Variants in C10orf90 observed in about 807,000 individuals in gnomAD.
The protein encoded by C10orf90 is (E2-independent) E3 ubiquitin-conjugating enzyme FATS.
In C10orf90, 56 loss-of-function variants were observed where a neutral mutation model predicts 62.5. The ratio of observed to expected loss-of-function variants is 0.90; its 90% CI spans 0.72 to 1.12. The LOEUF (loss-of-function observed/expected upper bound fraction) is 1.12. Among genes scored for constraint, C10orf90 ranks in the 50% most tolerant of loss-of-function variants. The pLI is 0.00. For missense variants in C10orf90, 970 were observed against 880.4 expected, an observed-to-expected ratio of 1.10 and a Z score of -1.29; for synonymous variants, 386 against 340.4, an observed-to-expected ratio of 1.13 and a Z score of -1.47.
chr10:126,589,831 A>G (rs367836076), intron 2 of C10orf90, among the ~76,000 whole-genome samples: 11 of 152,232 alleles, frequency 7.2e-5, no homozygotes, highest in South Asian at 4.1e-4. Context: ...TCATGCTGAC[A>G]GTATCAAATT....
At chr10:126,435,323 T>C (rs1333070383) in intron 7 of C10orf90, among the ~76,000 whole-genome samples, 2 of 152,228 alleles carry the variant, frequency 1.3e-5, no homozygotes, top group Non-Finnish European at 2.9e-5. Flanking sequence ...TCCTTTTGCA[T>C]ACTCAGTTTG....
At chr10:126,479,042 T>C (rs1229762870) in intron 4 of C10orf90, among the ~76,000 whole-genome samples, 1 of 152,020 alleles carries the variant, frequency 6.6e-6, no homozygotes, top group Non-Finnish European at 1.5e-5. Context: ...AAATTTGCAC[T>C]AGGGTGGGGA....
At chr10:126,596,116 T>C (rs567655869) in intron 2 of C10orf90, among the ~76,000 whole-genome samples, 46 of 143,958 alleles carry the variant, frequency 3.2e-4, no homozygotes, top group Admixed American at 2.8e-3. Context: ...CTGGGCTACA[T>C]AGTGAGACCC....
chr10:126,652,050 C>T (rs1399096831), intron 1 of C10orf90, among the ~76,000 whole-genome samples: 1 of 152,170 alleles, frequency 6.6e-6, no homozygotes, highest in African/African-American at 2.4e-5. Flanking sequence ...CAAGATTGAT[C>T]TTTGCCGGCA....
intron 2 of C10orf90, among the ~76,000 whole-genome samples, chr10:126,546,597 T>C (rs966771617): frequency 5.3e-5 from 8 of 152,132 alleles, no homozygotes; most frequent in Non-Finnish European, 1.0e-4. Flanking sequence ...CCCAGGGAGA[T>C]GTCAGTGGAG....
chr10:126,541,874 A>C (rs1864384010), intron 2 of C10orf90, among the ~76,000 whole-genome samples: 1 of 152,248 alleles, frequency 6.6e-6, no homozygotes, highest in African/African-American at 2.4e-5. Flanking sequence ...ACTTTCACAA[A>C]GTGTTCACAT....
intron 2 of C10orf90, among the ~76,000 whole-genome samples, chr10:126,625,660 G>C (rs1845728071): frequency 6.6e-6 from 1 of 152,180 alleles, no homozygotes; most frequent in Non-Finnish European, 1.5e-5. Context: ...TTTTTCTAAA[G>C]GTATCAAGGC....
chr10:126,578,785 C>G (rs545214843), intron 2 of C10orf90, among the ~76,000 whole-genome samples: 1 of 152,234 alleles, frequency 6.6e-6, no homozygotes, highest in African/African-American at 2.4e-5. Flanking sequence ...GAACACAATA[C>G]AACAATTACA....
At chr10:126,452,506 A>C (rs1590927867) in intron 7 of C10orf90, among the ~76,000 whole-genome samples, 1 of 152,236 alleles carries the variant, frequency 6.6e-6, no homozygotes, top group Non-Finnish European at 1.5e-5. Context: ...TGCTTTGTGC[A>C]GTATAAAGGG....
intron 2 of C10orf90, among the ~76,000 whole-genome samples, chr10:126,600,432 G>T (rs1422459401): frequency 1.3e-5 from 2 of 152,202 alleles, no homozygotes; most frequent in Non-Finnish European, 2.9e-5. Context: ...GCAGGGAGGA[G>T]ATATGAGAAA....
intron 2 of C10orf90, among the ~76,000 whole-genome samples, chr10:126,542,892 C>A (rs1199406800): frequency 6.6e-6 from 1 of 152,180 alleles, no homozygotes; most frequent in Non-Finnish European, 1.5e-5. Context: ...TTCAATGCCA[C>A]ATGTGCCTCA....
chr10:126,570,506 T>A (rs1844484904), intron 2 of C10orf90, among the ~76,000 whole-genome samples: 1 of 152,216 alleles, frequency 6.6e-6, no homozygotes, highest in Admixed American at 6.5e-5. Flanking sequence ...CTTTAAAACT[T>A]AATTAGGAAA....
intron 2 of C10orf90, among the ~76,000 whole-genome samples, chr10:126,609,617 G>A (rs907721205): frequency 6.6e-6 from 1 of 152,228 alleles, no homozygotes; most frequent in Non-Finnish European, 1.5e-5. Flanking sequence ...ACCACATGAA[G>A]AAGTAAGTTG....
In C10orf90 at chr10:126,489,816, A is replaced by AGGT. The variant is rs1861621284; in HGVS notation, c.1534+14138_1534+14140dup. On this transcript the variant is annotated intron_variant, in intron 4 of 9. Coordinates refer to ENST00000488181, the MANE Select transcript of C10orf90 (RefSeq NM_001350921.2). ...AATAACATTATTCATACTAGTCAAA[A>AGGT]GGTGGTAGCAACCCAAGTGTCCATC... Among the ~76,000 whole-genome samples, 5 of 150,826 alleles carry AGGT rather than the reference A, an allele frequency of 3.3e-5. No homozygotes were observed. In the South Asian group the frequency reaches 1.0e-3, roughly 32 times the overall value.
At chr10:126,617,704 T>C (rs1021470225) in intron 2 of C10orf90, among the ~76,000 whole-genome samples, 1 of 152,244 alleles carries the variant, frequency 6.6e-6, no homozygotes, top group Non-Finnish European at 1.5e-5. Context: ...CGAAAGCCCA[T>C]GTCCTTGTCT....
rs758118945 is a variant in C10orf90, at chr10:126,464,738, G to T, written c.1783C>A (p.Gln595Lys). Residue 595 changes from glutamine (Q) to lysine (K), a missense_variant, in exon 5 of 10, where the codon CAG (glutamine) becomes AAG (lysine). Transcript: ENST00000488181. ...TCTATCTGAACACCATTGTCTTCCT[G>T]CAGAGATGCACATACATCTTGTAAG... Reference protein sequence around the residue: ...CPLQDVCASLQEDNGVQIESK... With the variant: ...CPLQDVCASLKEDNGVQIESK... 3.1e-6 allele frequency: 5 copies of T among 1,614,012 alleles called. No individual in the cohort carries two copies. Among genetic ancestry groups the T allele is most frequent in the Non-Finnish European group, 4.2e-6 (5 of 1,179,936 alleles).
Position 126,598,038 on chromosome 10 carries a change from G to A in C10orf90, c.313+48527C>T, listed in dbSNP as rs563025421. Among the ~76,000 whole-genome samples the A allele has an allele frequency of 1.1e-4, 16 of 152,206 alleles. 1 individual carries two copies. The highest frequency in any genetic ancestry group is 4.1e-4 in the South Asian group (2 of 4,820). On this transcript the variant is annotated intron_variant, in intron 2 of 9. Transcript: ENST00000488181. ...ATCATAAGACCTGGCCAAATGCCTCGTGGGCATCCAGATACCCTATTTCAA... is the reference window on the plus strand; with the variant it reads ...ATCATAAGACCTGGCCAAATGCCTCATGGGCATCCAGATACCCTATTTCAA...
chr10:126,595,512 G>T (rs1306514942), intron 2 of C10orf90, among the ~76,000 whole-genome samples: 1 of 152,186 alleles, frequency 6.6e-6, no homozygotes, highest in African/African-American at 2.4e-5. Flanking sequence ...GCAAATAAGG[G>T]ATTTTGTGGA....
chr10:126,609,761 C>T (rs182958621), intron 2 of C10orf90, among the ~76,000 whole-genome samples: 5 of 152,312 alleles, frequency 3.3e-5, no homozygotes, highest in East Asian at 1.9e-4. Context: ...AGATGCTGCA[C>T]GGGATGCCAG....
Sources: allele counts gnomAD v4.1 joint callset (sites outside exome capture counted in the v4.1 genomes callset), GRCh38; gene constraint gnomAD v4.1.1; transcripts MANE v1.5; gene names NCBI Gene and HGNC (gene_info 2026-07-23, HGNC 2026-07-21).